Variants in LHFPL3 observed in about 807,000 individuals in gnomAD.
The protein encoded by LHFPL3 is LHFPL tetraspan subfamily member 3 protein.
A neutral mutation model predicts 19.3 loss-of-function variants in LHFPL3; 5 were observed. The observed-to-expected ratio is 0.26, with a 90% CI of 0.14 to 0.54. The LOEUF is 0.54. Ranked by LOEUF, LHFPL3 falls within the 20% of genes least tolerant of loss-of-function variation. LHFPL3 has a pLI of 0.94. For synonymous variants in LHFPL3, 133 were observed against 126.2 expected (o/e 1.05, Z -0.36); for missense variants, 249 against 307.4 (o/e 0.81, Z 1.42).
chr7:104,483,620 C>T (rs2115666007), intron 1 of LHFPL3, among the ~76,000 whole-genome samples: 1 of 152,184 alleles, frequency 6.6e-6, no homozygotes, highest in Non-Finnish European at 1.5e-5. Flanking sequence ...TGCATGTAGT[C>T]ATTTTTTAAG....
chr7:104,363,222 AG>A (rs1790423985), intron 1 of LHFPL3, among the ~76,000 whole-genome samples: 1 of 152,244 alleles, frequency 6.6e-6, no homozygotes, highest in Non-Finnish European at 1.5e-5. Context: ...GAATGAACCA[AG>A]GGCAGCTTGG....
intron 1 of LHFPL3, among the ~76,000 whole-genome samples, chr7:104,538,480 A>T (rs1448719761): frequency 6.6e-6 from 1 of 152,220 alleles, no homozygotes; most frequent in Non-Finnish European, 1.5e-5. Context: ...GAAAACATCA[A>T]TACATTTTCA....
chr7:104,622,333 G>A (rs1009069732), intron 1 of LHFPL3, among the ~76,000 whole-genome samples: 1 of 152,060 alleles, frequency 6.6e-6, no homozygotes, highest in South Asian at 2.1e-4. Flanking sequence ...GGCTTGTCTT[G>A]AATCCCTGGG....
At chr7:104,874,539 C>T (rs183603490) in intron 2 of LHFPL3, among the ~76,000 whole-genome samples, 5 of 152,088 alleles carry the variant, frequency 3.3e-5, no homozygotes, top group Admixed American at 6.5e-5. Flanking sequence ...GGATTACAGG[C>T]ATGCATCACC....
intron 1 of LHFPL3, among the ~76,000 whole-genome samples, chr7:104,631,282 A>G (rs1791635858): frequency 1.3e-5 from 1 of 76,334 alleles, no homozygotes; most frequent in Admixed American, 1.7e-4. Flanking sequence ...AAGTTTACCA[A>G]TGTCCTCTTT....
intron 2 of LHFPL3, among the ~76,000 whole-genome samples, chr7:104,882,077 C>T (rs886505927): frequency 1.3e-5 from 2 of 152,130 alleles, no homozygotes; most frequent in African/African-American, 2.4e-5. Flanking sequence ...GGTCTGGAAC[C>T]AAACCCTCAA....
At chr7:104,400,668 A>G (rs930523327) in intron 1 of LHFPL3, among the ~76,000 whole-genome samples, 2 of 152,106 alleles carry the variant, frequency 1.3e-5, no homozygotes, top group Non-Finnish European at 1.5e-5. Context: ...AATCCTCTCC[A>G]CTCAGCCAGA....
intron 1 of LHFPL3, among the ~76,000 whole-genome samples, chr7:104,412,103 G>A (rs898582420): frequency 1.3e-5 from 2 of 150,376 alleles, no homozygotes; most frequent in African/African-American, 5.0e-5. Flanking sequence ...CATTAATGTG[G>A]GATTCAATAA....
chr7:104,680,019 A>C (rs1792665482), intron 1 of LHFPL3, among the ~76,000 whole-genome samples: 1 of 152,190 alleles, frequency 6.6e-6, no homozygotes, highest in African/African-American at 2.4e-5. Flanking sequence ...CCTGATATTC[A>C]GACTTGTATA....
chr7:104,458,553 G>A (rs1354789516), intron 1 of LHFPL3, among the ~76,000 whole-genome samples: 3 of 151,986 alleles, frequency 2.0e-5, no homozygotes, highest in East Asian at 3.9e-4. Flanking sequence ...GTAGTGTGAT[G>A]CCTCCAGCTT....
chr7:104,865,705 A>G (rs1280609386), intron 2 of LHFPL3, among the ~76,000 whole-genome samples: 1 of 152,188 alleles, frequency 6.6e-6, no homozygotes. Context: ...CCAACATTAA[A>G]ATTCAGGAAA....
intron 1 of LHFPL3, among the ~76,000 whole-genome samples, chr7:104,458,108 T>G (rs1792583043): frequency 6.6e-6 from 1 of 151,728 alleles, no homozygotes; most frequent in African/African-American, 2.4e-5. Context: ...GTGCAGAAGC[T>G]CTTTAGTTTA....
At chr7:104,661,171 A>G (rs1792218111) in intron 1 of LHFPL3, among the ~76,000 whole-genome samples, 1 of 152,198 alleles carries the variant, frequency 6.6e-6, no homozygotes, top group South Asian at 2.1e-4. Flanking sequence ...ATGATGTCAA[A>G]GAAACTCAGG....
chr7:104,350,707 A>T (rs1375942836), intron 1 of LHFPL3, among the ~76,000 whole-genome samples: 2 of 152,192 alleles, frequency 1.3e-5, no homozygotes, highest in African/African-American at 4.8e-5. Flanking sequence ...AGGTGATCAT[A>T]AATACTATGG....
chr7:104,680,953 C>A (rs572745434), intron 1 of LHFPL3, among the ~76,000 whole-genome samples: 2 of 152,198 alleles, frequency 1.3e-5, no homozygotes, highest in East Asian at 3.9e-4. Flanking sequence ...ACTACAGTAT[C>A]CATCAAACCT....
At chr7:104,544,126 C>T (rs978079463) in intron 1 of LHFPL3, among the ~76,000 whole-genome samples, 10 of 151,518 alleles carry the variant, frequency 6.6e-5, no homozygotes, top group African/African-American at 2.4e-4. Flanking sequence ...TCTAACTAAC[C>T]TAGGTGCTAT....
At chr7:104,747,774 T>C (rs1794077435) in intron 2 of LHFPL3, among the ~76,000 whole-genome samples, 1 of 152,186 alleles carries the variant, frequency 6.6e-6, no homozygotes, top group Admixed American at 6.5e-5. Context: ...ATTATGCAAA[T>C]AATAATTTTC....
intron 1 of LHFPL3, among the ~76,000 whole-genome samples, chr7:104,638,826 A>C (rs138326184): frequency 3.1e-4 from 47 of 150,644 alleles, no homozygotes; most frequent in African/African-American, 1.1e-3. Context: ...GCAGTGGCAC[A>C]ATCTCAGCTG....
chr7:104,812,847 C>T (rs1176697023), intron 2 of LHFPL3, among the ~76,000 whole-genome samples: 2 of 136,134 alleles, frequency 1.5e-5, no homozygotes, highest in Non-Finnish European at 3.1e-5. Flanking sequence ...GGCGCAGTGG[C>T]TCATGTCTGT....
Sources: allele counts gnomAD v4.1 joint callset (sites outside exome capture counted in the v4.1 genomes callset), GRCh38; gene constraint gnomAD v4.1.1; transcripts MANE v1.5; gene names NCBI Gene and HGNC (gene_info 2026-07-23, HGNC 2026-07-21).